Variants in CSMD3 observed in about 807,000 individuals in gnomAD.
CSMD3 encodes CUB and sushi domain-containing protein 3.
A neutral mutation model predicts 435.2 loss-of-function variants in CSMD3; 177 were observed. That is an observed-to-expected ratio of 0.41 (90% confidence interval 0.36 to 0.46). CSMD3 has a LOEUF of 0.46. CSMD3 is among the 20% of genes least tolerant of loss of function. CSMD3 has a pLI of 0.34. For missense variants in CSMD3, 4,265 were observed against 4,504.6 expected (o/e 0.95, Z 1.52); for synonymous variants, 1,656 against 1,520.5 (o/e 1.09, Z -2.07).
intron 17 of CSMD3, among the ~76,000 whole-genome samples, chr8:112,662,492 C>T (rs1358218456): frequency 6.6e-6 from 1 of 151,954 alleles, no homozygotes; most frequent in African/African-American, 2.4e-5. Flanking sequence ...GAAACTGGAT[C>T]CCTTCCTTAC....
chr8:112,770,000 TTAAAGA>T (rs2078071482), intron 13 of CSMD3, among the ~76,000 whole-genome samples: 1 of 152,018 alleles, frequency 6.6e-6, no homozygotes, highest in African/African-American at 2.4e-5. Context: ...AAGTTGTATG[TTAAAGA>T]TAGACAGTTT....
intron 13 of CSMD3, among the ~76,000 whole-genome samples, chr8:112,757,590 AGTTTGCTCT>A (rs534272956): frequency 1.8e-3 from 281 of 152,240 alleles, no homozygotes; most frequent in African/African-American, 6.7e-3. Context: ...GGGGGAAAAT[AGTTTGCTCT>A]GTGACCTCAG....
chr8:113,341,344 A>T lies in CSMD3; in HGVS notation c.179-26551T>A, dbSNP rs544518162. 7.9e-5 allele frequency among the ~76,000 whole-genome samples: 12 copies of T among 152,300 alleles called. No individual in the cohort carries two copies. In the South Asian group the frequency reaches 2.3e-3, roughly 29 times the overall value. Reference sequence around the variant, plus strand: ...TTAATTGCACCTGTTGACCAGCAGCAAAGTTTTTAATTCTGAAAACCTATA... The same window carrying T: ...TTAATTGCACCTGTTGACCAGCAGCTAAGTTTTTAATTCTGAAAACCTATA... On this transcript the variant is annotated intron_variant, in intron 1 of 70. Transcript: ENST00000297405.
chr8:113,158,031 A>T (rs1157914904), intron 4 of CSMD3, among the ~76,000 whole-genome samples: 1 of 152,096 alleles, frequency 6.6e-6, no homozygotes, highest in Non-Finnish European at 1.5e-5. Flanking sequence ...TAAGTAGAAA[A>T]AGAAGGGTGG....
intron 3 of CSMD3, among the ~76,000 whole-genome samples, chr8:113,175,336 T>G (rs1294596411): frequency 6.6e-6 from 1 of 151,852 alleles, no homozygotes; most frequent in African/African-American, 2.4e-5. Flanking sequence ...GAAAAAATAT[T>G]TACTTTGAGT....
chr8:112,598,301 C>T (rs1346785382), intron 22 of CSMD3, among the ~76,000 whole-genome samples: 1 of 147,052 alleles, frequency 6.8e-6, no homozygotes, highest in African/African-American at 2.6e-5. Flanking sequence ...CCTAGGAATC[C>T]AACTTACAAG....
At chr8:112,409,089 C>CA (rs752672751) in intron 32 of CSMD3, 57 bp from the exon 33 acceptor site, 310 of 1,598,904 alleles carry the variant, frequency 1.9e-4, no homozygotes, top group Non-Finnish European at 2.5e-4. Flanking sequence ...AAAACGAAAA[C>CA]AAAAAACAAA....
intron 4 of CSMD3, among the ~76,000 whole-genome samples, chr8:113,144,208 C>A (rs1207080919): frequency 6.6e-6 from 1 of 151,122 alleles, no homozygotes; most frequent in Non-Finnish European, 1.5e-5. Flanking sequence ...TAAATATGTT[C>A]TCAGCTTCAG....
intron 1 of CSMD3, among the ~76,000 whole-genome samples, chr8:113,402,916 A>G (rs2094516344): frequency 6.6e-6 from 1 of 151,228 alleles, no homozygotes; most frequent in Admixed American, 6.6e-5. Context: ...TACCTTTTTC[A>G]GGGAACATGT....
chr8:112,914,296 G>C (rs915560149), intron 10 of CSMD3, among the ~76,000 whole-genome samples: 3 of 151,944 alleles, frequency 2.0e-5, no homozygotes, highest in Admixed American at 6.6e-5. Flanking sequence ...TATTTTGAAT[G>C]TACTGTGTTT....
intron 1 of CSMD3, among the ~76,000 whole-genome samples, chr8:113,404,887 C>T (rs1157901935): frequency 6.6e-6 from 1 of 151,368 alleles, no homozygotes; most frequent in East Asian, 1.9e-4. Flanking sequence ...CTTGTTTCAT[C>T]CCTTAAAAAA....
chr8:112,748,748 C>T (rs557247111), intron 13 of CSMD3, among the ~76,000 whole-genome samples: 1 of 152,072 alleles, frequency 6.6e-6, no homozygotes, highest in South Asian at 2.1e-4. Flanking sequence ...CATTGATGGC[C>T]ATGTAAGTTG....
intron 13 of CSMD3, among the ~76,000 whole-genome samples, chr8:112,711,715 T>C (rs1377343079): frequency 6.6e-6 from 1 of 152,104 alleles, no homozygotes; most frequent in Non-Finnish European, 1.5e-5. Context: ...AAAATACAAT[T>C]TGTATATCAA....
intron 32 of CSMD3, among the ~76,000 whole-genome samples, chr8:112,417,124 G>T (rs2130218883): frequency 6.6e-6 from 1 of 152,286 alleles, no homozygotes. Flanking sequence ...GCAACCTAAA[G>T]ATTATCAGCA....
chr8:112,245,194 T>C (rs1310458051), intron 64 of CSMD3, among the ~76,000 whole-genome samples: 1 of 152,086 alleles, frequency 6.6e-6, no homozygotes, highest in Non-Finnish European at 1.5e-5. Context: ...TTCACCTAAC[T>C]CTCTCTCCTT....
chr8:112,605,669 A>G (rs1024330949), intron 22 of CSMD3, among the ~76,000 whole-genome samples: 2 of 144,440 alleles, frequency 1.4e-5, no homozygotes, highest in African/African-American at 5.2e-5. Flanking sequence ...AAAAAAAAAA[A>G]CTACCTATTA....
chr8:112,749,914 C>G (rs774530008), intron 13 of CSMD3, among the ~76,000 whole-genome samples: 36 of 151,950 alleles, frequency 2.4e-4, no homozygotes. Context: ...GATTAGAGTA[C>G]ACTCAGGGCA....
At chr8:113,069,301 G>A (rs562670628) in intron 5 of CSMD3, among the ~76,000 whole-genome samples, 56 of 152,162 alleles carry the variant, frequency 3.7e-4, no homozygotes, top group African/African-American at 1.3e-3. Context: ...GCAGAACATA[G>A]CAAATTTCTG....
chr8:112,268,154 T>A (rs1052230052), intron 59 of CSMD3, among the ~76,000 whole-genome samples: 1 of 152,192 alleles, frequency 6.6e-6, no homozygotes, highest in Non-Finnish European at 1.5e-5. Context: ...GTATGCTATT[T>A]TCTTAAGAGT....
Sources: gnomAD v4.1 joint callset for allele counts (sites outside exome capture counted in the v4.1 genomes callset) on GRCh38, gnomAD v4.1.1 for gene constraint, MANE v1.5 for transcripts, NCBI Gene and HGNC (gene_info 2026-07-23, HGNC 2026-07-21) for gene names.